Variants in SPSB3 observed in about 807,000 individuals in gnomAD.
SPSB3 encodes SPRY domain-containing SOCS box protein 3.
In SPSB3, 18 loss-of-function variants were observed where a neutral mutation model predicts 29.5. That is an observed-to-expected ratio of 0.61 (90% CI 0.42 to 0.91). The LOEUF (loss-of-function observed/expected upper bound fraction) is 0.91, where lower values mean the gene tolerates loss of function less well. SPSB3 is among the 40% of genes least tolerant of loss of function. The pLI is 0.00. For synonymous variants in SPSB3, 299 were observed against 214.1 expected (o/e 1.40, Z -3.46); for missense variants, 540 against 507.5 (o/e 1.06, Z -0.61).
intron 6 of SPSB3, 144 bp downstream of exon 6, chr16:1,777,603 C>A: frequency 7.0e-7 from 1 of 1,423,908 alleles, no homozygotes; most frequent in Non-Finnish European, 9.4e-7. Flanking sequence ...CCTGGCCTCA[C>A]TGTCCCACCC....
Position 1,780,679 on chromosome 16 carries a change from A to C in SPSB3, c.126+679T>G, listed in dbSNP as rs1473030644. 4 of 160,356 alleles carry C rather than the reference A, an allele frequency of 2.5e-5. No individual in the cohort carries two copies. In the East Asian group the frequency reaches 5.6e-4, roughly 22 times the overall value. 9.9% of individuals were successfully genotyped at this position (160,356 alleles called of 1,614,324 possible). A position where few individuals can be genotyped will look rare whatever the true frequency, so the allele number is the denominator to read the frequency against. Reference sequence around the variant, plus strand: ...AGAAGAAGCGTCTGGTAAGACAACCAGCAAGTTAACAATGGTCACCTCCAG... The same window carrying C: ...AGAAGAAGCGTCTGGTAAGACAACCCGCAAGTTAACAATGGTCACCTCCAG... On this transcript the variant is annotated intron_variant, in intron 2 of 6. Transcript: ENST00000566339.
rs1287046054 is a variant in SPSB3 at position 1,778,816 on chromosome 16, A to G, written c.127-204T>C. ...CTCTGCCCCATTCTGCATGACCAGG[A>G]GGGCCCTGGAGGCCCAGCCACAGAG... On this transcript the variant is annotated intron_variant, in intron 2 of 6. Transcript: ENST00000566339. 5 of 506,438 alleles carry G rather than the reference A, an allele frequency of 9.9e-6. No individual in the cohort carries two copies. The Admixed American group carries it at 1.5e-4, about 15-fold the overall frequency. 31.4% of individuals were successfully genotyped at this position (506,438 alleles called of 1,614,324 possible).
chr16:1,779,023 G>T, intron 2 of SPSB3: 1 of 178,850 alleles, frequency 5.6e-6, no homozygotes, highest in Non-Finnish European at 1.2e-5. Flanking sequence ...CGGCCTCAGG[G>T]CAGTCCCCAC....
At chr16:1,778,885 GGATAA>G in intron 2 of SPSB3, 1 of 374,222 alleles carries the variant, frequency 2.7e-6, no homozygotes. Context: ...TCTAGACGGT[GGATAA>G]GCCCCAGGTC....
intron 2 of SPSB3, 119 bp downstream of exon 2, chr16:1,781,239 C>T (rs749017061): frequency 5.6e-6 from 9 of 1,596,388 alleles, no homozygotes; most frequent in Non-Finnish European, 7.7e-6. Context: ...GACTGGTCCT[C>T]TAGCCTCAGA....
chr16:1,777,256 C>G lies in SPSB3; in HGVS notation c.909G>C (p.Pro303=), dbSNP rs751327026. The G allele has an allele frequency of 4.3e-6, 7 of 1,610,446 alleles. No homozygotes were observed. The highest frequency in any genetic ancestry group is 5.9e-6 in the Non-Finnish European group (7 of 1,179,852). Residue 303 remains proline, a synonymous_variant, in exon 7 of 7, where the codon CCG becomes CCC. Transcript: ENST00000566339. ...GDTLEGLPLP[P]GLKQVLHNKL... is the part of the protein sequence containing the mutation. The stretch of plus-strand genomic sequence containing the variant: ...TGTTGTGTAGCACCTGCTTGAGGCC[C>G]GGCGGCAGCGGCAGACCCTCCAGCG...
chr16:1,777,125 C>T lies in SPSB3; in HGVS notation c.1040G>A (p.Cys347Tyr). 3 of 1,611,638 alleles carry T rather than the reference C, an allele frequency of 1.9e-6. No homozygotes were observed. Among genetic ancestry groups the T allele is most frequent in the Non-Finnish European group, 2.5e-6 (3 of 1,179,506 alleles). The change falls in exon 7 of 7, where the codon TGC becomes TAC. Residue 347 changes from cysteine (C) to tyrosine (Y), a missense_variant. Coordinates refer to ENST00000566339, the MANE Select transcript of SPSB3 (RefSeq NM_080861.4). ...AHPSSREPRPCQRKRCRRT is the reference protein window; with the variant it reads ...AHPSSREPRPYQRKRCRRT ...GGTCCGGCGGCAGCGCTTCCTCTGG[C>T]AGGGCCGAGGCTCGCGACTGCTGGG...
chr16:1,776,822 A>C lies in SPSB3; in HGVS notation c.*275T>G. 1 of 512,778 alleles carries C rather than the reference A, an allele frequency of 2.0e-6. No individual in the cohort carries two copies. The highest frequency in any genetic ancestry group is 3.3e-5 in the East Asian group (1 of 30,448). 31.8% of individuals were successfully genotyped at this position (512,778 alleles called of 1,614,324 possible). A position where few individuals can be genotyped will look rare whatever the true frequency, so the allele number is the denominator to read the frequency against. The stretch of plus-strand genomic sequence containing the variant: ...TAGGAAAAACCGAGGCCCTGTGGGA[A>C]CAGCAACGCGGGCTCCAGCCAGGCT... On this transcript the variant is annotated 3_prime_UTR_variant, in exon 7 of 7. Coordinates refer to ENST00000566339, the MANE Select transcript of SPSB3 (RefSeq NM_080861.4).
At chr16:1,781,290 C>G (rs1896698979) in intron 2 of SPSB3, 68 bp downstream of exon 2, 1 of 1,611,902 alleles carries the variant, frequency 6.2e-7, no homozygotes, top group South Asian at 1.1e-5. Flanking sequence ...CAGGTAATGT[C>G]TGCCTGCCTG....
chr16:1,778,281 G>A lies in SPSB3; in HGVS notation c.345C>T (p.Ala115=), dbSNP rs74002455. 2.7e-3 allele frequency: 4,322 copies of A among 1,612,712 alleles called. 109 individuals carry two copies. The African/African-American group carries it at 0.049, about 18-fold the overall frequency. ...WVWDDLNKSS[A]TLLSCDNRKV... ...TACGGTTGTCACAGCTCAGCAGGGT[G>A]GCTGATGACTTATTTAAGTCATCCC... is the stretch of plus-strand genomic sequence containing the variant. The change falls in exon 4 of 7, where the codon GCC becomes GCT. Residue 115 remains alanine (A), a synonymous_variant. Coordinates refer to ENST00000566339, the MANE Select transcript of SPSB3 (RefSeq NM_080861.4).
chr16:1,777,455 G>A lies in SPSB3; in HGVS notation c.722-12C>T. ...GGTGGCTGCCACACCTGGAAGGGAG[G>A]GGCCCAGCCTGAACCCCAGGCAGGG... On this transcript the variant is annotated splice_polypyrimidine_tract_variant and intron_variant, in intron 6 of 6. Transcript: ENST00000566339. 6.7e-7 allele frequency: 1 copy of A among 1,491,220 alleles called. No homozygotes were observed. Among genetic ancestry groups the A allele is most frequent in the Non-Finnish European group, 8.9e-7 (1 of 1,121,368 alleles). 92.4% of individuals were successfully genotyped at this position (1,491,220 alleles called of 1,614,324 possible). A position where few individuals can be genotyped will look rare whatever the true frequency, so the allele number is the denominator to read the frequency against.
In SPSB3 at chr16:1,777,788, C is replaced by A; in HGVS notation, c.680G>T (p.Trp227Leu). ...CTTGAAAAAGGTGAGTGTGCCGTGC[C>A]AGGTGTCCAGGTGCACGCCAATGAT... ...GSIIGVHLDTWHGTLTFFKNR... is the reference protein window; with the variant it reads ...GSIIGVHLDTLHGTLTFFKNR... The change falls in exon 6 of 7, where the codon TGG becomes TTG. Residue 227 changes from tryptophan (W) to leucine (L), a missense_variant. Transcript: ENST00000566339. 1 of 1,612,866 alleles carries A rather than the reference C, an allele frequency of 6.2e-7. No homozygotes were observed.
chr16:1,781,364 A>C lies in SPSB3; in HGVS notation c.120T>G (p.Asp40Glu), dbSNP rs766492010. 3.1e-6 allele frequency: 5 copies of C among 1,612,530 alleles called. No homozygotes were observed. The highest frequency in any genetic ancestry group is 4.2e-6 in the Non-Finnish European group (5 of 1,179,970). Reference sequence around the variant, plus strand: ...CTCGCCCGCTGGAACCTACCTGCCCATCAGAGTCGTAGCCCCAGTTAGTGG... The same window carrying C: ...CTCGCCCGCTGGAACCTACCTGCCCCTCAGAGTCGTAGCCCCAGTTAGTGG... The part of the protein sequence containing the change: ...AGSTNWGYDS[D>E]GQHSDSDSDP... Residue 40 changes from aspartate (D) to glutamate (E), a missense_variant, in exon 2 of 7, where the codon GAT (aspartate) becomes GAG (glutamate). Physicochemically the swap from Asp to Glu is conservative, Grantham distance 45. Transcript: ENST00000566339.
chr16:1,777,110 C>T lies in SPSB3; in HGVS notation c.1055G>A (p.Cys352Tyr), dbSNP rs749980964. The T allele has an allele frequency of 1.2e-6, 2 of 1,611,138 alleles. No homozygotes were observed. Among genetic ancestry groups the T allele is most frequent in the South Asian group, 2.2e-5 (2 of 90,984 alleles). The change falls in exon 7 of 7, where the codon TGC becomes TAC. Residue 352 changes from cysteine (C) to tyrosine (Y), a missense_variant. Cys to Tyr is a radical substitution (Grantham distance 194). Transcript: ENST00000566339. ...CTGGGAAGTCAGTCAGGTCCGGCGGCAGCGCTTCCTCTGGCAGGGCCGAGG... is the reference window on the plus strand; with the variant it reads ...CTGGGAAGTCAGTCAGGTCCGGCGGTAGCGCTTCCTCTGGCAGGGCCGAGG... ...REPRPCQRKRCRRT is the reference protein window; with the variant it reads ...REPRPCQRKRYRRT
In SPSB3 at chr16:1,781,085, A is replaced by G. The variant is rs574556138; in HGVS notation, c.126+273T>C. 3.9e-6 allele frequency: 5 copies of G among 1,269,066 alleles called. No individual in the cohort carries two copies. In the African/African-American group the frequency reaches 7.4e-5, roughly 19 times the overall value. 78.6% of individuals were successfully genotyped at this position (1,269,066 alleles called of 1,614,324 possible). The stretch of plus-strand genomic sequence containing the variant: ...ACCAAAAGCAACTGCCAACCTCTCC[A>G]TGCACCATGTGTTTCAGAGGAGAAA... On this transcript the variant is annotated intron_variant, in intron 2 of 6. Transcript: ENST00000566339.
At chr16:1,782,043 C>G (rs1009133618) in intron 1 of SPSB3, 3 of 167,668 alleles carry the variant, frequency 1.8e-5, no homozygotes, top group African/African-American at 7.2e-5. Context: ...CTGCTCAGCG[C>G]TGGCCGCTGT....
intron 2 of SPSB3, chr16:1,779,339 G>A (rs2042760264): frequency 6.5e-6 from 1 of 152,758 alleles, no homozygotes; most frequent in Non-Finnish European, 1.5e-5. Flanking sequence ...GAATGGACCA[G>A]GGGGTCAGCA....
intron 4 of SPSB3, 27 bp downstream of exon 4, chr16:1,778,107 G>C: frequency 6.2e-7 from 1 of 1,612,962 alleles, no homozygotes; most frequent in Non-Finnish European, 8.5e-7. Flanking sequence ...AGGTTCCCCA[G>C]AAGCACCCTG....
At position 1,777,270 on chromosome 16, in the gene SPSB3, G is replaced by A. The variant is rs759022388; in HGVS notation, c.895C>T (p.Leu299=). Residue 299 remains leucine, a synonymous_variant, in exon 7 of 7, where the codon CTG becomes TTG. Transcript: ENST00000566339. ...RPDSGDTLEG[L]PLPPGLKQVL... The stretch of plus-strand genomic sequence containing the variant: ...TGCTTGAGGCCCGGCGGCAGCGGCA[G>A]ACCCTCCAGCGTGTCTCCCGAGTCT... 10 of 1,610,522 alleles carry A rather than the reference G, an allele frequency of 6.2e-6. No homozygotes were observed. Among genetic ancestry groups the A allele is most frequent in the Admixed American group, 5.0e-5 (3 of 60,014 alleles).
Sources: gnomAD v4.1 joint callset for allele counts on GRCh38, gnomAD v4.1.1 for gene constraint, MANE v1.5 for transcripts, NCBI Gene and HGNC (gene_info 2026-07-23, HGNC 2026-07-21) for gene names.